The following DNAI1 variants were observed in gnomAD, a reference collection of about 807,000 sequenced individuals.
DNAI1 encodes the protein dynein, axonemal, intermediate polypeptide 1.
Under a neutral mutation model 92.0 loss-of-function variants are expected in DNAI1, and 67 were observed. That is an observed-to-expected ratio of 0.73 (90% confidence interval 0.60 to 0.89). The LOEUF (loss-of-function observed/expected upper bound fraction) is 0.89. DNAI1 is among the 40% of genes least tolerant of loss of function. The probability of loss-of-function intolerance (pLI) is 0.00; values close to 1 mark genes in which losing one functional copy is unlikely to be tolerated. For missense variants in DNAI1, 839 were observed against 866.6 expected, an observed-to-expected ratio of 0.97 and a Z score of 0.40; for synonymous variants, 323 against 319.6, an observed-to-expected ratio of 1.01 and a Z score of -0.11.
At position 34,485,648 on chromosome 9, in the gene DNAI1, C is replaced by T. The variant is rs2274591; in HGVS notation, c.261+131C>T. ...TTAAACTGAGGTCCTTGGCTAGAATCCTCAGATTTCATATGGAGTTTTCTA... is the reference window on the plus strand; with the variant it reads ...TTAAACTGAGGTCCTTGGCTAGAATTCTCAGATTTCATATGGAGTTTTCTA... On this transcript the variant is annotated intron_variant, in intron 4 of 19. Coordinates refer to ENST00000242317, the MANE Select transcript of DNAI1 (RefSeq NM_012144.4). 145,506 of 862,312 alleles carry T rather than the reference C, an allele frequency of 0.17. 14,176 individuals carry two copies. Among genetic ancestry groups the T allele is most frequent in the East Asian group, 0.32 (12,170 of 37,572 alleles). The allele number at this position is 862,312 out of a possible 1,614,324, so 53.4% of individuals were successfully genotyped here.
intron 12 of DNAI1, among the ~76,000 whole-genome samples, chr9:34,504,019 G>A (rs13301559): frequency 0.12 from 18,114 of 152,258 alleles, 1,390 homozygotes; most frequent in Non-Finnish European, 0.18. Context: ...ACTTCTCATG[G>A]TCTTCCAGGC....
At chr9:34,509,296 G>C (rs989724501) in intron 13 of DNAI1, among the ~76,000 whole-genome samples, 1 of 152,088 alleles carries the variant, frequency 6.6e-6, no homozygotes, top group African/African-American at 2.4e-5. Context: ...CAATGACATG[G>C]GGCATCAAGC....
At chr9:34,501,033 A>C (rs750455916) in intron 11 of DNAI1, 105 bp from the exon 12 acceptor site, 40 of 1,062,092 alleles carry the variant, frequency 3.8e-5, no homozygotes, top group Non-Finnish European at 5.6e-5. Flanking sequence ...GCTGGAGAAC[A>C]GATGTCTGTA....
At chr9:34,474,730 G>T (rs918317195) in intron 1 of DNAI1, among the ~76,000 whole-genome samples, 2 of 151,696 alleles carry the variant, frequency 1.3e-5, no homozygotes, top group Non-Finnish European at 2.9e-5. Flanking sequence ...CACCATGTCC[G>T]GCTAATTTTT....
chr9:34,512,037 GC>G, intron 13 of DNAI1, 71 bp from the exon 14 acceptor site: 1 of 1,453,218 alleles, frequency 6.9e-7, no homozygotes, highest in East Asian at 2.3e-5. Context: ...GCTTGGGGGA[GC>G]CCTGCTCTGC....
At position 34,514,377 on chromosome 9, in the gene DNAI1, G is replaced by A. The variant is rs759950470; in HGVS notation, c.1570-17G>A. ...GACCTTTCTCTCACTTCTGACCCCC[G>A]TTCCCTCCCCGACCAGTGCTCTAAA... On this transcript the variant is annotated splice_polypyrimidine_tract_variant and intron_variant, in intron 16 of 19. Transcript: ENST00000242317. 12 of 1,612,940 alleles carry A rather than the reference G, an allele frequency of 7.4e-6. No homozygotes were observed. The highest frequency in any genetic ancestry group is 4.4e-5 in the South Asian group (4 of 91,078).
chr9:34,504,698 A>G (rs1824891396), intron 12 of DNAI1, among the ~76,000 whole-genome samples: 1 of 152,250 alleles, frequency 6.6e-6, no homozygotes, highest in African/African-American at 2.4e-5. Flanking sequence ...GTGCCTGGAA[A>G]AGCCCAGCTG....
chr9:34,471,469 A>G (rs558161054), intron 1 of DNAI1, among the ~76,000 whole-genome samples: 94 of 150,000 alleles, frequency 6.3e-4, no homozygotes, highest in Admixed American at 2.4e-3. Flanking sequence ...AAAAGAAAAG[A>G]AAAGGAAAGT....
chr9:34,515,994 AAAAAG>A (rs1825164749), intron 18 of DNAI1, among the ~76,000 whole-genome samples: 1 of 152,146 alleles, frequency 6.6e-6, no homozygotes, highest in Admixed American at 6.5e-5. Flanking sequence ...TGAAAAAGAA[AAAAAG>A]AAAAAGAAAA....
chr9:34,461,728 G>T (rs1175364169), intron 1 of DNAI1, among the ~76,000 whole-genome samples: 2 of 152,132 alleles, frequency 1.3e-5, no homozygotes, highest in Non-Finnish European at 2.9e-5. Context: ...TGGCGTGTGG[G>T]GTGTGAGAAA....
chr9:34,512,086 G>A, intron 13 of DNAI1, 23 bp from the exon 14 acceptor site: 1 of 1,610,718 alleles, frequency 6.2e-7, no homozygotes, highest in Non-Finnish European at 8.5e-7. Context: ...GGGTCCCAGA[G>A]CTCACATTTT....
chr9:34,517,726 A>T (rs1825197253), intron 19 of DNAI1, among the ~76,000 whole-genome samples: 1 of 152,198 alleles, frequency 6.6e-6, no homozygotes, highest in Non-Finnish European at 1.5e-5. Flanking sequence ...GGTGGATCTG[A>T]AGCCTGCAGA....
chr9:34,496,698 G>A (rs1350016734), intron 9 of DNAI1, among the ~76,000 whole-genome samples: 2 of 152,112 alleles, frequency 1.3e-5, no homozygotes, highest in South Asian at 2.1e-4. Context: ...CCTTTAATGG[G>A]AGTCTTTCAC....
intron 12 of DNAI1, among the ~76,000 whole-genome samples, chr9:34,502,029 C>T (rs896538389): frequency 6.6e-6 from 1 of 152,222 alleles, no homozygotes; most frequent in African/African-American, 2.4e-5. Context: ...ACAGCTTGTT[C>T]TCTGGCTGGG....
intron 1 of DNAI1, among the ~76,000 whole-genome samples, chr9:34,481,882 G>C (rs987945722): frequency 1.3e-5 from 2 of 152,234 alleles, no homozygotes; most frequent in African/African-American, 2.4e-5. Flanking sequence ...AAAGAACAAA[G>C]ATTCCACAGT....
chr9:34,473,132 C>T (rs1399046975), intron 1 of DNAI1, among the ~76,000 whole-genome samples: 1 of 151,972 alleles, frequency 6.6e-6, no homozygotes, highest in African/African-American at 2.4e-5. Context: ...GGAGAGCTTT[C>T]CATAGCAATA....
At chr9:34,510,864 C>T (rs1439720357) in intron 13 of DNAI1, among the ~76,000 whole-genome samples, 2 of 152,188 alleles carry the variant, frequency 1.3e-5, no homozygotes, top group African/African-American at 2.4e-5. Context: ...TTATGCCTCA[C>T]AGGCTCTGTG....
chr9:34,492,500 A>AGATATAGATATAGATATAGATATATC (rs1564033896), intron 8 of DNAI1, among the ~76,000 whole-genome samples: 3 of 40,952 alleles, frequency 7.3e-5, no homozygotes, highest in African/African-American at 3.4e-4. Context: ...GAAGATATAT[A>AGATATAGATATAGATATAGATATATC]TATATATATA....
chr9:34,500,919 T>A, intron 11 of DNAI1, 80 bp downstream of exon 11: 1 of 1,176,724 alleles, frequency 8.5e-7, no homozygotes, highest in Non-Finnish European at 1.3e-6. Flanking sequence ...CTTCTGCACT[T>A]AACCACCTTG....
Sources: allele counts gnomAD v4.1 joint callset (sites outside exome capture counted in the v4.1 genomes callset), GRCh38; gene constraint gnomAD v4.1.1; transcripts MANE v1.5; gene names NCBI Gene and HGNC (gene_info 2026-07-23, HGNC 2026-07-21).